The following COL23A1 variants were observed in gnomAD, a reference collection of about 807,000 sequenced individuals.
COL23A1 encodes collagen type XXIII alpha 1 chain.
Under a neutral mutation model 99.3 loss-of-function variants are expected in COL23A1, and 97 were observed. The ratio of observed to expected loss-of-function variants is 0.98; its 90% confidence interval spans 0.83 to 1.16. The LOEUF is 1.16. COL23A1 is among the 50% of genes most tolerant of loss of function. The pLI is 0.00. For missense variants in COL23A1, 762 were observed against 757.4 expected (o/e 1.01, Z -0.07); for synonymous variants, 320 against 308.2 (o/e 1.04, Z -0.40).
intron 4 of COL23A1, among the ~76,000 whole-genome samples, chr5:178,289,388 C>T (rs996022835): frequency 6.6e-6 from 1 of 152,204 alleles, no homozygotes; most frequent in East Asian, 1.9e-4. Context: ...GGACCACTTG[C>T]AATCCCCTGC....
rs553307046 is a variant in COL23A1 at position 178,381,190 on chromosome 5, A to T, written c.362-74271T>A. On this transcript the variant is annotated intron_variant, in intron 2 of 28. Coordinates refer to ENST00000390654, the MANE Select transcript of COL23A1 (RefSeq NM_173465.4). ...GGATTGGTGACGTTGCCTTCAACAA[A>T]TAATTAGGGGGTGGCTTACAAAGGT... Among the ~76,000 whole-genome samples the T allele has an allele frequency of 6.6e-5, 10 of 152,292 alleles. No individual in the cohort carries two copies. The East Asian group carries it at 1.9e-3, about 29-fold the overall frequency.
At chr5:178,458,032 A>C (rs145274050) in intron 2 of COL23A1, among the ~76,000 whole-genome samples, 22 of 152,372 alleles carry the variant, frequency 1.4e-4, no homozygotes, top group African/African-American at 5.3e-4. Context: ...AGTCTGGACC[A>C]TCTTGTCATA....
chr5:178,248,274 T>G lies in COL23A1; in HGVS notation c.1150-20A>C. 9 of 1,603,022 alleles carry G rather than the reference T, an allele frequency of 5.6e-6. No individual in the cohort carries two copies. The highest frequency in any genetic ancestry group is 7.7e-6 in the Non-Finnish European group (9 of 1,171,148). ...AGCGCCCTGCAGGACGGCAATGGCC[T>G]GTGAGTCCTTTGTGTCCAGCACCTG... On this transcript the variant is annotated intron_variant, in intron 19 of 28. Coordinates refer to ENST00000390654, the MANE Select transcript of COL23A1 (RefSeq NM_173465.4).
intron 2 of COL23A1, among the ~76,000 whole-genome samples, chr5:178,459,278 C>A (rs1195873297): frequency 1.3e-5 from 2 of 152,078 alleles, no homozygotes; most frequent in African/African-American, 2.4e-5. Context: ...AATATTTATA[C>A]TAAATATTTG....
chr5:178,282,829 C>T (rs1429767248), intron 5 of COL23A1, among the ~76,000 whole-genome samples: 1 of 152,140 alleles, frequency 6.6e-6, no homozygotes, highest in Non-Finnish European at 1.5e-5. Context: ...GGATCTCCAA[C>T]CCCTTGGCAG....
chr5:178,506,850 C>G (rs930906541), intron 2 of COL23A1, among the ~76,000 whole-genome samples: 43 of 152,152 alleles, frequency 2.8e-4, no homozygotes, highest in Non-Finnish European at 1.0e-4. Context: ...TTCTTTTTGT[C>G]TCTTTGTCCC....
Position 178,249,978 on chromosome 5 carries a change from TGCACAC to T in COL23A1, c.1059+77_1059+82del. The T allele has an allele frequency of 1.1e-5, 16 of 1,451,722 alleles. No homozygotes were observed. The South Asian group carries it at 1.1e-4, about 10-fold the overall frequency. 89.9% of individuals were successfully genotyped at this position (1,451,722 alleles called of 1,614,324 possible). On this transcript the variant is annotated intron_variant, in intron 18 of 28. Coordinates refer to ENST00000390654, the MANE Select transcript of COL23A1 (RefSeq NM_173465.4). ...GTGTTTCTCTAACTCTGTGCACACATGCACACGCACACACACACACACACACACACA... is the reference window on the plus strand; with the variant it reads ...GTGTTTCTCTAACTCTGTGCACACATGCACACACACACACACACACACACA...
intron 2 of COL23A1, among the ~76,000 whole-genome samples, chr5:178,332,512 G>GGCTGCAGTGGAT (rs1257882590): frequency 6.6e-6 from 1 of 152,120 alleles, no homozygotes; most frequent in Non-Finnish European, 1.5e-5. Flanking sequence ...GGCTTAAACT[G>GGCTGCAGTGGAT]GCTGCAGTGG....
intron 1 of COL23A1, among the ~76,000 whole-genome samples, chr5:178,584,871 C>T (rs1562113592): frequency 6.6e-6 from 1 of 152,172 alleles, no homozygotes; most frequent in Non-Finnish European, 1.5e-5. Context: ...CTAGTGTCCT[C>T]TTCCCTTCCT....
intron 2 of COL23A1, among the ~76,000 whole-genome samples, chr5:178,417,651 G>A (rs1314800396): frequency 6.6e-6 from 1 of 152,180 alleles, no homozygotes; most frequent in African/African-American, 2.4e-5. Context: ...GAATGCTCAA[G>A]AACAGCCCCG....
In COL23A1 at chr5:178,468,999, A is replaced by C. The variant is rs2672839; in HGVS notation, c.361+91683T>G. Reference sequence around the variant, plus strand: ...GGGTGCCTCACATAAGTGGAATCATATCGTGTTTGTCCTTCTGTGTGTGGC... The same window carrying C: ...GGGTGCCTCACATAAGTGGAATCATCTCGTGTTTGTCCTTCTGTGTGTGGC... On this transcript the variant is annotated intron_variant, in intron 2 of 28. Coordinates refer to ENST00000390654, the MANE Select transcript of COL23A1 (RefSeq NM_173465.4). This position sits in a 1 kb window ranked among gnomAD's most constrained non-coding sequence, Gnocchi z 4.2. Among the ~76,000 whole-genome samples, 122,478 of 151,826 alleles carry C rather than the reference A, an allele frequency of 0.81. 50,431 individuals are homozygous for C. Among genetic ancestry groups the C allele is most frequent in the Non-Finnish European group, 0.9 (61,054 of 67,936 alleles).
At chr5:178,562,904 A>T (rs1218817029) in intron 1 of COL23A1, among the ~76,000 whole-genome samples, 1 of 152,132 alleles carries the variant, frequency 6.6e-6, no homozygotes, top group Non-Finnish European at 1.5e-5. Flanking sequence ...CAGAGCACTG[A>T]TTGGTGCATT....
At chr5:178,462,047 C>T (rs550369655) in intron 2 of COL23A1, among the ~76,000 whole-genome samples, 2 of 152,310 alleles carry the variant, frequency 1.3e-5, no homozygotes, top group South Asian at 4.1e-4. Context: ...GTGTTCTTGG[C>T]ACCCAGCACA....
At chr5:178,330,782 T>C (rs1759976111) in intron 2 of COL23A1, among the ~76,000 whole-genome samples, 1 of 152,244 alleles carries the variant, frequency 6.6e-6, no homozygotes, top group South Asian at 2.1e-4. Flanking sequence ...ACCTCCTCTC[T>C]GCTCTTTCAC....
chr5:178,329,365 G>C (rs1356123919), intron 2 of COL23A1, among the ~76,000 whole-genome samples: 3 of 152,094 alleles, frequency 2.0e-5, no homozygotes, highest in African/African-American at 4.8e-5. Flanking sequence ...CAGATGAAGA[G>C]AGTGGGGCCT....
chr5:178,301,806 C>T (rs1247070218), intron 3 of COL23A1, among the ~76,000 whole-genome samples: 7 of 151,976 alleles, frequency 4.6e-5, no homozygotes, highest in African/African-American at 1.2e-4. Context: ...CTGTGTGCGC[C>T]GGAGCACGGC....
At chr5:178,515,998 CAG>C (rs897486612) in intron 2 of COL23A1, among the ~76,000 whole-genome samples, 14 of 152,204 alleles carry the variant, frequency 9.2e-5, no homozygotes, top group Non-Finnish European at 4.4e-5. Flanking sequence ...GGCTCAGTTC[CAG>C]AGTTTCTCTT....
chr5:178,295,872 T>C (rs1351627371), intron 3 of COL23A1, among the ~76,000 whole-genome samples: 1 of 152,232 alleles, frequency 6.6e-6, no homozygotes, highest in African/African-American at 2.4e-5. Flanking sequence ...TGGCATGTAG[T>C]AAAAATGATC....
At chr5:178,259,275 CAGG>C (rs989447685) in intron 12 of COL23A1, among the ~76,000 whole-genome samples, 3 of 152,060 alleles carry the variant, frequency 2.0e-5, no homozygotes, top group Non-Finnish European at 1.5e-5. Flanking sequence ...GAGGCTGGCC[CAGG>C]AGAAGAGGCC....
Sources: allele counts gnomAD v4.1 joint callset (sites outside exome capture counted in the v4.1 genomes callset), GRCh38; gene constraint gnomAD v4.1.1; non-coding constraint Gnocchi (gnomAD v3.1); transcripts MANE v1.5; gene names NCBI Gene and HGNC (gene_info 2026-07-23, HGNC 2026-07-21).